Variants in VAV1 observed in about 807,000 individuals in gnomAD.
The protein encoded by VAV1 is proto-oncogene vav.
In VAV1, 33 loss-of-function variants were observed where a neutral mutation model predicts 128.1. The observed-to-expected ratio is 0.26, with a 90% confidence interval of 0.20 to 0.34. The LOEUF is 0.34. VAV1 is among the 10% of genes least tolerant of loss of function. VAV1 has a pLI of 1.00. For synonymous variants in VAV1, 394 were observed against 409.8 expected, an observed-to-expected ratio of 0.96 and a Z score of 0.47; for missense variants, 715 against 1,093.7, an observed-to-expected ratio of 0.65 and a Z score of 4.88.
intron 1 of VAV1, among the ~76,000 whole-genome samples, chr19:6,774,349 C>T (rs181292833): frequency 0.019 from 2,877 of 148,748 alleles, 108 homozygotes; most frequent in African/African-American, 0.069. Flanking sequence ...AGGATGGTCT[C>T]GATCTCCCGA....
At chr19:6,792,902 G>A (rs1279287339) in intron 1 of VAV1, among the ~76,000 whole-genome samples, 1 of 152,074 alleles carries the variant, frequency 6.6e-6, no homozygotes, top group Non-Finnish European at 1.5e-5. Flanking sequence ...GCCCAGGACA[G>A]GCCCCTCTCC....
chr19:6,814,683 T>TCCTTCCTTCCTTCCTTCCTTCCTTC (rs1568299268), intron 1 of VAV1, among the ~76,000 whole-genome samples: 1 of 96,948 alleles, frequency 1.0e-5, no homozygotes, highest in African/African-American at 6.2e-5. Context: ...TTTCTTTCTT[T>TCCTTCCTTCCTTCCTTCCTTCCTTC]CTTTCTTTCT....
chr19:6,776,447 C>T (rs756791530), intron 1 of VAV1, among the ~76,000 whole-genome samples: 14 of 120,348 alleles, frequency 1.2e-4, no homozygotes, highest in African/African-American at 3.3e-4. Context: ...CATCCATCCA[C>T]CCACCCATCC....
At chr19:6,808,031 G>C (rs1040986857) in intron 1 of VAV1, among the ~76,000 whole-genome samples, 3 of 145,148 alleles carry the variant, frequency 2.1e-5, no homozygotes, top group African/African-American at 7.7e-5. Context: ...TTAAAAAAAA[G>C]GCCGGGCGCG....
intron 21 of VAV1, among the ~76,000 whole-genome samples, chr19:6,842,016 G>C (rs564610036): frequency 6.6e-6 from 1 of 151,608 alleles, no homozygotes; most frequent in Non-Finnish European, 1.5e-5. Flanking sequence ...ACCTGAGCTC[G>C]GGAGTTTGAG....
chr19:6,836,729 C>T (rs10419556), intron 20 of VAV1, among the ~76,000 whole-genome samples, 161 bp downstream of exon 20: 5,240 of 151,682 alleles, frequency 0.035, 307 homozygotes, highest in African/African-American at 0.12. Flanking sequence ...CTTTTCTGAG[C>T]GGGCCATCTT....
intron 22 of VAV1, among the ~76,000 whole-genome samples, chr19:6,843,863 G>A (rs760289258): frequency 2.0e-5 from 3 of 151,090 alleles, no homozygotes; most frequent in African/African-American, 4.9e-5. Flanking sequence ...TAGCTCTTGC[G>A]ATCCACAGTG....
intron 1 of VAV1, among the ~76,000 whole-genome samples, chr19:6,814,705 T>TTTCTTTCTTTCTTTCTTTCTTTCC: frequency 7.4e-6 from 1 of 134,372 alleles, no homozygotes; most frequent in East Asian, 2.1e-4. Context: ...TCTTTCTTTC[T>TTTCTTTCTTTCTTTCTTTCTTTCC]TTCTTTCTTT....
intron 1 of VAV1, among the ~76,000 whole-genome samples, chr19:6,795,349 C>G (rs368328179): frequency 2.6e-5 from 4 of 152,210 alleles, no homozygotes; most frequent in Admixed American, 6.5e-5. Flanking sequence ...AATGACCCTC[C>G]TTCTCTGAAC....
chr19:6,804,192 G>A (rs532229031), intron 1 of VAV1, among the ~76,000 whole-genome samples: 7 of 151,546 alleles, frequency 4.6e-5, no homozygotes, highest in South Asian at 2.1e-4. Context: ...AGAATGTGAC[G>A]CACGGCAGGC....
chr19:6,826,685 C>T lies in VAV1; in HGVS notation c.901C>T (p.Arg301Trp), dbSNP rs1466647685. Residue 301 changes from arginine (R) to tryptophan (W), a missense_variant, in exon 9 of 27, where the codon CGG becomes TGG. Physicochemically the swap from Arg to Trp is moderately radical, Grantham distance 101. Transcript: ENST00000602142. The surrounding 1 kb of genome is among the most constrained non-coding windows in gnomAD (Gnocchi z 4.1). ...ACACCTGGACCGTGTGGCCGCAGCC[C>T]GGGAGGACGTGCAGATGAAGCTGGA... ...SKHLDRVAAA[R>W]EDVQMKLEEC... 6 of 1,556,772 alleles carry T rather than the reference C, an allele frequency of 3.9e-6. No homozygotes were observed. The highest frequency in any genetic ancestry group is 1.2e-5 in the South Asian group (1 of 84,738).
At chr19:6,832,682 CTTT>C (rs1972111721) in intron 15 of VAV1, among the ~76,000 whole-genome samples, 1 of 150,094 alleles carries the variant, frequency 6.7e-6, no homozygotes, top group East Asian at 2.0e-4. Context: ...TCCTCCTCTT[CTTT>C]CTCTTCCTCC....
chr19:6,814,662 TCC>T (rs1491564298), intron 1 of VAV1, among the ~76,000 whole-genome samples: 71 of 74,888 alleles, frequency 9.5e-4, no homozygotes, highest in African/African-American at 2.7e-3. Flanking sequence ...CTTCCTTCCT[TCC>T]TTCCTTCCTT....
intron 1 of VAV1, among the ~76,000 whole-genome samples, chr19:6,787,272 C>T (rs1970914851): frequency 6.6e-6 from 1 of 152,034 alleles, no homozygotes; most frequent in African/African-American, 2.4e-5. Flanking sequence ...ATCTCTTGGC[C>T]TCCAGTGATC....
intron 1 of VAV1, among the ~76,000 whole-genome samples, chr19:6,794,260 G>A (rs1971078878): frequency 6.6e-6 from 1 of 152,158 alleles, no homozygotes; most frequent in Non-Finnish European, 1.5e-5. Flanking sequence ...GGACAAAGAA[G>A]AGAGAGGGAA....
chr19:6,845,768 A>G (rs1373534428), intron 22 of VAV1, among the ~76,000 whole-genome samples: 3 of 148,180 alleles, frequency 2.0e-5, no homozygotes, highest in Non-Finnish European at 4.5e-5. Context: ...TTTACATTAT[A>G]TTATATTTAT....
intron 1 of VAV1, among the ~76,000 whole-genome samples, chr19:6,792,694 C>G (rs936821485): frequency 1.3e-5 from 2 of 151,660 alleles, no homozygotes; most frequent in Non-Finnish European, 2.9e-5. Context: ...AGGGCATGAG[C>G]TACCATGCAT....
intron 1 of VAV1, among the ~76,000 whole-genome samples, chr19:6,810,984 C>G (rs995687803): frequency 1.3e-5 from 2 of 152,174 alleles, no homozygotes; most frequent in Admixed American, 1.3e-4. Context: ...CCTTTGTCCT[C>G]ATCTGGAACG....
intron 9 of VAV1, among the ~76,000 whole-genome samples, chr19:6,827,566 G>A (rs1971948703): frequency 6.6e-6 from 1 of 151,990 alleles, no homozygotes; most frequent in African/African-American, 2.4e-5. Flanking sequence ...GAGCAATCGT[G>A]CCCAGCCTCT....
Sources: gnomAD v4.1 joint callset for allele counts (sites outside exome capture counted in the v4.1 genomes callset) on GRCh38, gnomAD v4.1.1 for gene constraint, Gnocchi (gnomAD v3.1) non-coding constraint, MANE v1.5 for transcripts, NCBI Gene and HGNC (gene_info 2026-07-23, HGNC 2026-07-21) for gene names.